MON2: variants seen among roughly 807,000 people sequenced by gnomAD.
MON2 encodes MON2 regulator of endosome-to-Golgi trafficking, also known as protein MON2 homolog.
Under a neutral mutation model 208.6 loss-of-function variants are expected in MON2, and 84 were observed. That is an observed-to-expected ratio of 0.40 (90% CI 0.34 to 0.48). The LOEUF is 0.48. Ranked by LOEUF, MON2 falls within the 20% of genes least tolerant of loss-of-function variation. MON2 has a pLI of 0.59. For synonymous variants in MON2, 660 were observed against 694.0 expected, an observed-to-expected ratio of 0.95 and a Z score of 0.77; for missense variants, 1,611 against 2,015.4, an observed-to-expected ratio of 0.80 and a Z score of 3.84.
At chr12:62,562,079 T>C (rs891750709) in intron 26 of MON2, among the ~76,000 whole-genome samples, 2 of 152,132 alleles carry the variant, frequency 1.3e-5, no homozygotes, top group Non-Finnish European at 2.9e-5. Context: ...TTTCTACAAT[T>C]GAACTCAAAA....
intron 2 of MON2, among the ~76,000 whole-genome samples, chr12:62,493,132 A>T (rs1400328123): frequency 6.6e-6 from 1 of 152,208 alleles, no homozygotes; most frequent in Admixed American, 6.5e-5. Flanking sequence ...TTCTGTAAGG[A>T]TGACAAACTT....
At chr12:62,476,734 G>A (rs1309430299) in intron 1 of MON2, among the ~76,000 whole-genome samples, 1 of 152,130 alleles carries the variant, frequency 6.6e-6, no homozygotes, top group Non-Finnish European at 1.5e-5. Context: ...ACCATGCCCA[G>A]CCTCACATTT....
At chr12:62,563,778 T>G (rs746437198) in intron 26 of MON2, among the ~76,000 whole-genome samples, 1 of 152,124 alleles carries the variant, frequency 6.6e-6, no homozygotes, top group East Asian at 1.9e-4. Context: ...TAATTTGTGT[T>G]AAGATTCTTA....
chr12:62,536,765 T>G (rs891594438), intron 14 of MON2, among the ~76,000 whole-genome samples: 3 of 151,516 alleles, frequency 2.0e-5, no homozygotes, highest in Non-Finnish European at 4.4e-5. Flanking sequence ...CTTGGCTCAC[T>G]GCAACCACCG....
chr12:62,562,147 A>C (rs999176797), intron 26 of MON2, among the ~76,000 whole-genome samples: 1 of 152,164 alleles, frequency 6.6e-6, no homozygotes, highest in Admixed American at 6.5e-5. Flanking sequence ...TCCATTGGAC[A>C]TGCAAATAAG....
intron 1 of MON2, among the ~76,000 whole-genome samples, chr12:62,472,165 T>A (rs1435144429): frequency 2.0e-5 from 3 of 152,048 alleles, no homozygotes; most frequent in Non-Finnish European, 4.4e-5. Context: ...GGAAAGCCAA[T>A]AGTTTGGATT....
chr12:62,493,069 C>T (rs1413647724), intron 2 of MON2, among the ~76,000 whole-genome samples: 1 of 151,906 alleles, frequency 6.6e-6, no homozygotes, highest in African/African-American at 2.4e-5. Flanking sequence ...AACAAATAAT[C>T]GCTTATGAGT....
chr12:62,526,172 T>C (rs1471352528), intron 11 of MON2, 70 bp downstream of exon 11: 1 of 1,435,710 alleles, frequency 7.0e-7, no homozygotes. Flanking sequence ...AAAATTCTTC[T>C]CTATTGTATT....
chr12:62,489,864 G>T (rs185130415), intron 2 of MON2, among the ~76,000 whole-genome samples: 35 of 152,132 alleles, frequency 2.3e-4, no homozygotes, highest in Admixed American at 9.8e-4. Context: ...GTCTTCCCCA[G>T]AACTAGATTT....
intron 12 of MON2, 57 bp from the exon 13 acceptor site, chr12:62,534,788 A>G: frequency 8.0e-7 from 1 of 1,256,958 alleles, no homozygotes; most frequent in Non-Finnish European, 1.2e-6. Flanking sequence ...TCACATATTA[A>G]TACATATTGT....
chr12:62,468,293 C>A (rs1023149458), intron 1 of MON2, among the ~76,000 whole-genome samples: 1 of 152,116 alleles, frequency 6.6e-6, no homozygotes, highest in Non-Finnish European at 1.5e-5. Context: ...GCCTCGGCCT[C>A]CCAAAGTGCT....
chr12:62,580,505 G>A (rs1456805306), intron 32 of MON2, 85 bp downstream of exon 32: 1 of 1,256,052 alleles, frequency 8.0e-7, no homozygotes, highest in East Asian at 2.4e-5. Context: ...TATGATTTTG[G>A]TAATGTAAAC....
chr12:62,495,199 T>A, intron 4 of MON2, 52 bp downstream of exon 4: 1 of 1,497,258 alleles, frequency 6.7e-7, no homozygotes, highest in Non-Finnish European at 9.0e-7. Context: ...AGTATTTGAA[T>A]AAGCTGGCTG....
intron 1 of MON2, among the ~76,000 whole-genome samples, chr12:62,468,167 A>C (rs982602840): frequency 8.7e-5 from 13 of 148,626 alleles, no homozygotes; most frequent in East Asian, 2.0e-4. Flanking sequence ...AAAAAAAAAA[A>C]CAAACAAAAA....
At chr12:62,474,971 C>T (rs1185922233) in intron 1 of MON2, among the ~76,000 whole-genome samples, 2 of 152,104 alleles carry the variant, frequency 1.3e-5, no homozygotes, top group African/African-American at 2.4e-5. Flanking sequence ...AACATTATGC[C>T]TGGCCTTTGA....
intron 11 of MON2, 119 bp from the exon 12 acceptor site, chr12:62,532,319 T>C: frequency 1.3e-6 from 1 of 751,260 alleles, no homozygotes; most frequent in East Asian, 2.7e-5. Flanking sequence ...GTAATGTCCC[T>C]TTATTTTTTG....
At position 62,593,983 on chromosome 12, in the gene MON2, G is replaced by GA. The variant is rs1219058962; in HGVS notation, c.*1238dup. ...TTCACTTTCCTAGCCTAGTGAAAAAGAAAAGTGCTCTTGAGTACAATACCT... is the reference window on the plus strand; with the variant it reads ...TTCACTTTCCTAGCCTAGTGAAAAAGAAAAAGTGCTCTTGAGTACAATACCT... On this transcript the variant is annotated 3_prime_UTR_variant, in exon 35 of 35. Coordinates refer to ENST00000393630, the MANE Select transcript of MON2 (RefSeq NM_015026.3). The GA allele has an allele frequency of 1.3e-5, 2 of 152,256 alleles. No homozygotes were observed. Among genetic ancestry groups the GA allele is most frequent in the African/African-American group, 4.8e-5 (2 of 41,578 alleles). The allele number at this position is 152,256 out of a possible 1,614,324, so 9.4% of individuals were successfully genotyped here.
At chr12:62,504,245 C>CTTTTT (rs71450586) in intron 7 of MON2, among the ~76,000 whole-genome samples, 62 of 118,554 alleles carry the variant, frequency 5.2e-4, no homozygotes, top group Non-Finnish European at 6.6e-4. Flanking sequence ...CTTTTCTTTT[C>CTTTTT]TTTTTTTTTT....
intron 8 of MON2, among the ~76,000 whole-genome samples, chr12:62,511,227 C>G (rs180881536): frequency 6.6e-6 from 1 of 152,104 alleles, no homozygotes; most frequent in Non-Finnish European, 1.5e-5. Flanking sequence ...AAAATTCCAA[C>G]AGCAATTTTT....
Sources: gnomAD v4.1 joint callset for allele counts (sites outside exome capture counted in the v4.1 genomes callset) on GRCh38, gnomAD v4.1.1 for gene constraint, MANE v1.5 for transcripts, NCBI Gene and HGNC (gene_info 2026-07-23, HGNC 2026-07-21) for gene names.